Variants in SMPX observed in about 807,000 individuals in gnomAD.
SMPX encodes the protein small muscle protein X-linked, also known as small muscular protein.
SMPX carries 2 observed loss-of-function variants against 6.3 expected under a neutral mutation model. That is an observed-to-expected ratio of 0.32 (90% CI 0.13 to 0.99). SMPX has a LOEUF of 0.99. Among genes scored for constraint, SMPX ranks in the 50% least tolerant of loss-of-function variants. The probability of loss-of-function intolerance (pLI) is 0.49; values close to 1 mark genes in which losing one functional copy is unlikely to be tolerated. For synonymous variants in SMPX, 32 were observed against 24.7 expected (o/e 1.30, Z -0.88); for missense variants, 60 against 66.8 (o/e 0.90, Z 0.36).
intron 4 of SMPX, among the ~76,000 whole-genome samples, chrX:21,729,811 A>G (rs1447614672): frequency 8.9e-6 from 1 of 111,911 alleles, no homozygotes; most frequent in Non-Finnish European, 1.9e-5. Context: ...TAGAAACTAC[A>G]CAGGTAGCTT....
intron 4 of SMPX, among the ~76,000 whole-genome samples, chrX:21,713,456 G>A (rs1330503785): frequency 8.9e-6 from 1 of 112,071 alleles, no homozygotes; most frequent in Non-Finnish European, 1.9e-5. Context: ...AAGAAAAAGA[G>A]GTTTGATGGA....
At chrX:21,750,499 G>A (rs1476690494) in intron 2 of SMPX, among the ~76,000 whole-genome samples, 1 of 112,051 alleles carries the variant, frequency 8.9e-6, no homozygotes, top group East Asian at 2.8e-4. Flanking sequence ...CAAACGACAC[G>A]CAAAGCCTAA....
chrX:21,746,979 G>T (rs1383537899), intron 2 of SMPX, among the ~76,000 whole-genome samples: 1 of 110,893 alleles, frequency 9.0e-6, no homozygotes, highest in Non-Finnish European at 1.9e-5. Context: ...TGTCTCTTTC[G>T]CTGACTTACT....
chrX:21,739,866 G>A (rs1047302291), intron 3 of SMPX, among the ~76,000 whole-genome samples: 4 of 112,115 alleles, frequency 3.6e-5, no homozygotes, highest in Non-Finnish European at 7.5e-5. Flanking sequence ...ACATCAAAAT[G>A]TTCTATATTG....
intron 4 of SMPX, among the ~76,000 whole-genome samples, chrX:21,727,942 C>T (rs760677912): frequency 2.4e-4 from 27 of 112,263 alleles, no homozygotes; most frequent in African/African-American, 8.4e-4. Flanking sequence ...GAATTCACTT[C>T]CCCAGTTTTC....
intron 4 of SMPX, among the ~76,000 whole-genome samples, chrX:21,725,641 G>C (rs2092796094): frequency 8.9e-6 from 1 of 112,214 alleles, no homozygotes; most frequent in Middle Eastern, 4.2e-3. Context: ...AACATGAGCT[G>C]CTGCAGGTTT....
intron 4 of SMPX, among the ~76,000 whole-genome samples, chrX:21,715,328 G>A (rs200305970): frequency 2.7e-5 from 3 of 109,942 alleles, no homozygotes; most frequent in Non-Finnish European, 5.7e-5. Flanking sequence ...GCGCTCGCGC[G>A]CTGGTGGGGG....
intron 4 of SMPX, among the ~76,000 whole-genome samples, chrX:21,717,881 T>C (rs1473888958): frequency 8.9e-6 from 1 of 112,307 alleles, no homozygotes; most frequent in Non-Finnish European, 1.9e-5. Context: ...CAAAAAATAA[T>C]ATTCTGAGCA....
At chrX:21,743,860 T>C in intron 2 of SMPX, 24 bp from the exon 3 acceptor site, 1 of 1,119,762 alleles carries the variant, frequency 8.9e-7, no homozygotes, top group East Asian at 3.0e-5. Context: ...CAGGGTAGGT[T>C]TAGCTCAAAA....
At chrX:21,719,305 G>A (rs1254301015) in intron 4 of SMPX, among the ~76,000 whole-genome samples, 1 of 111,333 alleles carries the variant, frequency 9.0e-6, no homozygotes, top group Non-Finnish European at 1.9e-5. Flanking sequence ...GATCACCTGA[G>A]GCCAGGAGTT....
intron 4 of SMPX, among the ~76,000 whole-genome samples, chrX:21,721,750 G>A (rs186993270): frequency 1.8e-5 from 2 of 112,545 alleles, no homozygotes; most frequent in Admixed American, 1.9e-4. Flanking sequence ...GCCTGACTCT[G>A]TAACTAAGAA....
intron 4 of SMPX, among the ~76,000 whole-genome samples, chrX:21,720,735 T>G (rs780046877): frequency 8.9e-6 from 1 of 112,085 alleles, no homozygotes; most frequent in East Asian, 2.8e-4. Flanking sequence ...TCTAGAGAGG[T>G]GGCATCCTGA....
intron 4 of SMPX, among the ~76,000 whole-genome samples, chrX:21,712,309 G>A (rs1213837372): frequency 1.8e-5 from 2 of 112,101 alleles, no homozygotes; most frequent in Non-Finnish European, 3.8e-5. Flanking sequence ...GGAAGAAGAG[G>A]AAGACATAAA....
At chrX:21,751,178 G>A (rs1218164233) in intron 2 of SMPX, among the ~76,000 whole-genome samples, 2 of 112,320 alleles carry the variant, frequency 1.8e-5, no homozygotes, top group East Asian at 5.6e-4. Flanking sequence ...TAACTGAATA[G>A]GTCCAATATG....
At chrX:21,747,094 T>G (rs1356440439) in intron 2 of SMPX, among the ~76,000 whole-genome samples, 3 of 111,925 alleles carry the variant, frequency 2.7e-5, no homozygotes, top group Non-Finnish European at 5.6e-5. Context: ...AGCTAAACTT[T>G]TATGAAATAA....
chrX:21,709,973 TG>T (rs2092776756), intron 4 of SMPX, among the ~76,000 whole-genome samples: 1 of 111,846 alleles, frequency 8.9e-6, no homozygotes, highest in South Asian at 3.8e-4. Flanking sequence ...AACCCAGAAA[TG>T]GGTACCATTT....
intron 4 of SMPX, among the ~76,000 whole-genome samples, chrX:21,728,211 CCTTTCTCTCTCTCTCTCTCTCT>C (rs2092799217): frequency 1.8e-5 from 1 of 55,769 alleles, no homozygotes. Flanking sequence ...CCCTTCCCCT[CCTTTCTCTCTCTCTCTCTCTCT>C]CTCTCTCTCT....
At chrX:21,744,047 T>C (rs2092818914) in intron 2 of SMPX, among the ~76,000 whole-genome samples, 2 of 112,165 alleles carry the variant, frequency 1.8e-5, no homozygotes, top group Admixed American at 1.9e-4. Flanking sequence ...ACAGATTTCA[T>C]TTATTACACA....
At chrX:21,736,979 C>T (rs2092811164) in intron 4 of SMPX, among the ~76,000 whole-genome samples, 1 of 111,353 alleles carries the variant, frequency 9.0e-6, no homozygotes, top group Admixed American at 9.5e-5. Flanking sequence ...CTTGCAGTGC[C>T]TTGTAAGGCA....
Sources: gnomAD v4.1 joint callset for allele counts (sites outside exome capture counted in the v4.1 genomes callset) on GRCh38, gnomAD v4.1.1 for gene constraint, MANE v1.5 for transcripts, NCBI Gene and HGNC (gene_info 2026-07-23, HGNC 2026-07-21) for gene names.